NTM: variants seen among roughly 807,000 people sequenced by gnomAD.
NTM encodes neurotrimin, also known as IgLON family member 2.
In NTM, 13 loss-of-function variants were observed where a neutral mutation model predicts 42.1. That is an observed-to-expected ratio of 0.31 (90% CI 0.20 to 0.49). The LOEUF (loss-of-function observed/expected upper bound fraction) is 0.49. NTM is among the 20% of genes least tolerant of loss of function. The pLI is 0.99. For synonymous variants in NTM, 187 were observed against 179.2 expected (o/e 1.04, Z -0.35); for missense variants, 373 against 452.8 (o/e 0.82, Z 1.60).
intron 3 of NTM, among the ~76,000 whole-genome samples, chr11:132,198,647 C>T (rs540516604): frequency 6.6e-6 from 1 of 152,270 alleles, no homozygotes; most frequent in East Asian, 1.9e-4. Flanking sequence ...CTACTTGGCT[C>T]CCGAGTCTGA....
chr11:131,677,293 T>A (rs2071594716), intron 1 of NTM, among the ~76,000 whole-genome samples: 1 of 152,216 alleles, frequency 6.6e-6, no homozygotes, highest in Admixed American at 6.5e-5. Context: ...GTCCACTTCC[T>A]CTTCTCTGCA....
At chr11:131,840,954 G>A (rs751439964) in intron 1 of NTM, among the ~76,000 whole-genome samples, 8 of 152,248 alleles carry the variant, frequency 5.3e-5, no homozygotes, top group Non-Finnish European at 1.2e-4. Context: ...TGAGGAGTGA[G>A]ATGGTGAATG....
At chr11:131,689,134 C>G (rs947064575) in intron 1 of NTM, among the ~76,000 whole-genome samples, 2 of 152,092 alleles carry the variant, frequency 1.3e-5, no homozygotes, top group Non-Finnish European at 2.9e-5. Flanking sequence ...GGATGTCTCC[C>G]TACCCGGAGC....
At chr11:131,604,910 A>T (rs2060811150) in intron 1 of NTM, among the ~76,000 whole-genome samples, 1 of 149,502 alleles carries the variant, frequency 6.7e-6, no homozygotes, top group African/African-American at 2.4e-5. Context: ...ATTCTATTTC[A>T]TTGGTCTATA....
At chr11:131,825,558 A>G (rs1195515596) in intron 1 of NTM, among the ~76,000 whole-genome samples, 4 of 152,130 alleles carry the variant, frequency 2.6e-5, no homozygotes, top group Non-Finnish European at 4.4e-5. Context: ...TCATTTCACA[A>G]AAGTGTCCCA....
chr11:131,754,188 C>T (rs892372674), intron 1 of NTM, among the ~76,000 whole-genome samples: 17 of 150,562 alleles, frequency 1.1e-4, no homozygotes, highest in African/African-American at 2.2e-4. Context: ...TGTTAAATGA[C>T]GAGTTACTGG....
At chr11:131,492,370 CA>C (rs2136302237) in intron 1 of NTM, among the ~76,000 whole-genome samples, 1 of 150,066 alleles carries the variant, frequency 6.7e-6, no homozygotes, top group East Asian at 2.0e-4. Context: ...CATTTTCTCA[CA>C]TTGTGTATTA....
intron 3 of NTM, among the ~76,000 whole-genome samples, chr11:132,149,973 AT>A (rs1468323507): frequency 2.6e-5 from 4 of 152,124 alleles, no homozygotes; most frequent in Non-Finnish European, 5.9e-5. Flanking sequence ...CCTTGTGTTC[AT>A]TTTGCATTAC....
intron 2 of NTM, among the ~76,000 whole-genome samples, chr11:131,983,950 A>G (rs36085941): frequency 0.24 from 37,201 of 152,160 alleles, 4,757 homozygotes; most frequent in African/African-American, 0.29. Context: ...GTCATATGGT[A>G]TATATCACTT....
chr11:131,505,023 A>G (rs402320), intron 1 of NTM, among the ~76,000 whole-genome samples: 47,050 of 151,822 alleles, frequency 0.31, 8,029 homozygotes, highest in African/African-American at 0.46. Context: ...GCTCTATACC[A>G]CAGTGGGGTA....
chr11:132,085,682 C>A (rs11535730), intron 2 of NTM, among the ~76,000 whole-genome samples: 19,234 of 152,098 alleles, frequency 0.13, 1,304 homozygotes, highest in South Asian at 0.18. Flanking sequence ...AATTAGAGCT[C>A]TTTTTTATAG....
At chr11:131,370,965 C>G (rs151060470) in intron 1 of NTM, 77 bp downstream of exon 1, 36 of 1,595,714 alleles carry the variant, frequency 2.3e-5, no homozygotes, top group Non-Finnish European at 1.3e-5. Context: ...GCAGACTCCC[C>G]GAGTCGGCTG....
chr11:132,225,926 T>C (rs2086171578), intron 4 of NTM, among the ~76,000 whole-genome samples: 1 of 152,068 alleles, frequency 6.6e-6, no homozygotes, highest in Non-Finnish European at 1.5e-5. Context: ...TGTGTTCTCA[T>C]TGTTCAGCTC....
intron 1 of NTM, among the ~76,000 whole-genome samples, chr11:131,373,190 C>T (rs1941458580): frequency 6.6e-6 from 1 of 152,170 alleles, no homozygotes; most frequent in Non-Finnish European, 1.5e-5. Context: ...CTGAAGTCTG[C>T]CAGCTATCTC....
rs149774333 is a variant in NTM at position 131,547,429 on chromosome 11, C to T, written c.82+176541C>T. Among the ~76,000 whole-genome samples, 136 of 152,296 alleles carry T rather than the reference C, an allele frequency of 8.9e-4. 2 individuals carry two copies. The highest frequency in any genetic ancestry group is 1.4e-3 in the East Asian group (7 of 5,182). Reference sequence around the variant, plus strand: ...TCCAGACGATCTTCAACGTCTTGCACGGGAAGAGACTTTGAGGTGGGCAGA... The same window carrying T: ...TCCAGACGATCTTCAACGTCTTGCATGGGAAGAGACTTTGAGGTGGGCAGA... On this transcript the variant is annotated intron_variant, in intron 1 of 8. Coordinates refer to ENST00000683400, the MANE Select transcript of NTM (RefSeq NM_001352005.2).
intron 2 of NTM, among the ~76,000 whole-genome samples, chr11:131,940,707 A>G (rs2059701917): frequency 6.6e-6 from 1 of 152,210 alleles, no homozygotes; most frequent in Non-Finnish European, 1.5e-5. Flanking sequence ...GGTTTATGGA[A>G]TATTTGAATA....
chr11:131,665,823 G>A (rs1049970619), intron 1 of NTM, among the ~76,000 whole-genome samples: 10 of 152,270 alleles, frequency 6.6e-5, no homozygotes, highest in Middle Eastern at 3.4e-3. Flanking sequence ...CCACCCCACC[G>A]TATTTTGCCT....
chr11:131,745,058 T>G (rs2081641298), intron 1 of NTM, among the ~76,000 whole-genome samples: 1 of 152,218 alleles, frequency 6.6e-6, no homozygotes, highest in Non-Finnish European at 1.5e-5. Context: ...ATGTCAGTCC[T>G]AAAACAAACT....
intron 3 of NTM, among the ~76,000 whole-genome samples, chr11:132,177,463 C>T (rs1298407456): frequency 6.6e-6 from 1 of 152,136 alleles, no homozygotes; most frequent in African/African-American, 2.4e-5. Context: ...CTTATTTTGC[C>T]ACAAAGTGGA....
Sources: gnomAD v4.1 joint callset for allele counts (sites outside exome capture counted in the v4.1 genomes callset) on GRCh38, gnomAD v4.1.1 for gene constraint, MANE v1.5 for transcripts, NCBI Gene and HGNC (gene_info 2026-07-23, HGNC 2026-07-21) for gene names.